MTMR4: variants seen among roughly 807,000 people sequenced by gnomAD.
The protein encoded by MTMR4 is myotubularin related protein 4.
Under a neutral mutation model 125.5 loss-of-function variants are expected in MTMR4, and 30 were observed. The ratio of observed to expected loss-of-function variants is 0.24; its 90% CI spans 0.18 to 0.32. The LOEUF (loss-of-function observed/expected upper bound fraction) is 0.32. Among genes scored for constraint, MTMR4 ranks in the 10% least tolerant of loss-of-function variants. The probability of loss-of-function intolerance (pLI) is 1.00; values close to 1 mark genes in which losing one functional copy is unlikely to be tolerated. For missense variants in MTMR4, 1,039 were observed against 1,511.5 expected, an observed-to-expected ratio of 0.69 and a Z score of 5.18; for synonymous variants, 498 against 564.5, an observed-to-expected ratio of 0.88 and a Z score of 1.67.
intron 4 of MTMR4, among the ~76,000 whole-genome samples, chr17:58,509,330 C>G (rs1975864217): frequency 6.6e-6 from 1 of 151,420 alleles, no homozygotes; most frequent in African/African-American, 2.4e-5. Flanking sequence ...AGTCTCACCT[C>G]TTCCTTGAAG....
intron 14 of MTMR4, among the ~76,000 whole-genome samples, chr17:58,498,985 T>C (rs1260263453): frequency 6.6e-6 from 1 of 152,136 alleles, no homozygotes; most frequent in Non-Finnish European, 1.5e-5. Flanking sequence ...CCCTCATATC[T>C]GAACTACTAC....
rs1975718329 is a variant in MTMR4 at position 58,504,218 on chromosome 17, T to C, written c.1530A>G (p.Val510=). Residue 510 remains valine (V), a splice_region_variant and synonymous_variant, in exon 13 of 18, where the codon GTA becomes GTG. Coordinates refer to ENST00000682306, the MANE Select transcript of MTMR4 (RefSeq NM_001378067.1). The surrounding 1 kb of genome is among the most constrained non-coding windows in gnomAD (Gnocchi z 7.1). ...CLFEFNEAFL[V]KLVQHTYSCL... Reference sequence around the variant, plus strand: ...AGGAGTATGTGTGTTGCACCAGTTTTACCTAGAAAGCAGAGAGAGCTTGCA... The same window carrying C: ...AGGAGTATGTGTGTTGCACCAGTTTCACCTAGAAAGCAGAGAGAGCTTGCA... 2 of 1,604,970 alleles carry C rather than the reference T, an allele frequency of 1.2e-6. No individual in the cohort carries two copies. The highest frequency in any genetic ancestry group is 1.7e-6 in the Non-Finnish European group (2 of 1,174,272).
At chr17:58,505,721 AAC>A in intron 9 of MTMR4, 138 bp from the exon 10 acceptor site, 1 of 485,082 alleles carries the variant, frequency 2.1e-6, no homozygotes, top group Non-Finnish European at 3.9e-6. Context: ...CAGCCTGACT[AAC>A]ACAGTGAAAC....
At chr17:58,499,702 A>G (rs1975568941) in intron 14 of MTMR4, among the ~76,000 whole-genome samples, 1 of 151,540 alleles carries the variant, frequency 6.6e-6, no homozygotes, top group Non-Finnish European at 1.5e-5. Flanking sequence ...GCTCACTGCA[A>G]ACTCCGCCTT....
At chr17:58,506,983 C>T (rs1975793515) in intron 8 of MTMR4, 112 bp from the exon 9 acceptor site, 3 of 1,548,726 alleles carry the variant, frequency 1.9e-6, no homozygotes, top group Non-Finnish European at 2.6e-6. Flanking sequence ...CCCCTCATAC[C>T]CCACAGCTTC....
At chr17:58,501,985 G>A (rs879606024) in intron 14 of MTMR4, among the ~76,000 whole-genome samples, 2 of 151,728 alleles carry the variant, frequency 1.3e-5, no homozygotes, top group African/African-American at 4.8e-5. Context: ...CCTGAACCCG[G>A]GAGGCAGAGG....
rs747502771 is a variant in MTMR4, at chr17:58,495,343, A to G, written c.2841T>C (p.Cys947=). ...TPRRLLSYGC[C]SKRPNSKQMR... ...TCTGCTTACTGTTTGGCCTCTTGCT[A>G]CAACAGCCATAGGAAAGCAGCCGCC... The change falls in exon 15 of 18, where the codon TGT becomes TGC. Residue 947 remains cysteine (C), a synonymous_variant. Transcript: ENST00000682306. The G allele has an allele frequency of 6.2e-7, 1 of 1,614,214 alleles. No homozygotes were observed. Among genetic ancestry groups the G allele is most frequent in the Non-Finnish European group, 8.5e-7 (1 of 1,180,038 alleles).
Position 58,507,197 on chromosome 17 carries a change from G to C in MTMR4, c.830C>G (p.Pro277Arg). The C allele has an allele frequency of 6.2e-7, 1 of 1,614,126 alleles. No individual in the cohort carries two copies. The highest frequency in any genetic ancestry group is 1.1e-5 in the South Asian group (1 of 91,084). ...TSIAKACALD[P>R]GTRATGGSLS... ...GGAGCCCCCAGTGGCCCTTGTCCCC[G>C]GGTCCAGGGCACAGGCTTTAGCAAT... The change falls in exon 8 of 18, where the codon CCG (proline) becomes CGG (arginine). Residue 277 changes from proline (P) to arginine (R), a missense_variant. Transcript: ENST00000682306.
chr17:58,492,623 T>C lies in MTMR4; in HGVS notation c.3364-24A>G, dbSNP rs557054531. 775 of 1,608,362 alleles carry C rather than the reference T, an allele frequency of 4.8e-4. 13 individuals are homozygous for C. The South Asian group carries it at 7.5e-3, about 16-fold the overall frequency. ...ACCTAATAGAAGGCACAAAGAAAAA[T>C]TCCTGGTCCTTGTTGACAGACTGGA... On this transcript the variant is annotated intron_variant, in intron 16 of 17. Coordinates refer to ENST00000682306, the MANE Select transcript of MTMR4 (RefSeq NM_001378067.1).
chr17:58,494,575 C>T (rs1975402218), intron 15 of MTMR4, among the ~76,000 whole-genome samples: 1 of 152,116 alleles, frequency 6.6e-6, no homozygotes, highest in South Asian at 2.1e-4. Context: ...TCGCATGTCC[C>T]ATCTTTTTAA....
chr17:58,512,321 T>G lies in MTMR4; in HGVS notation c.252+69A>C. 4.4e-6 allele frequency: 6 copies of G among 1,348,326 alleles called. No individual in the cohort carries two copies. Among genetic ancestry groups the G allele is most frequent in the Non-Finnish European group, 6.4e-6 (6 of 940,228 alleles). 83.5% of individuals were successfully genotyped at this position (1,348,326 alleles called of 1,614,324 possible). Reference sequence around the variant, plus strand: ...TTAATGACATGATCAAGGACAGCCTTGGAACAATCCCACCTTGAACTTCAT... The same window carrying G: ...TTAATGACATGATCAAGGACAGCCTGGGAACAATCCCACCTTGAACTTCAT... On this transcript the variant is annotated intron_variant, in intron 3 of 17. Coordinates refer to ENST00000682306, the MANE Select transcript of MTMR4 (RefSeq NM_001378067.1). The surrounding 1 kb of genome is among the most constrained non-coding windows in gnomAD (Gnocchi z 4.1).
At chr17:58,513,231 G>A (rs936095855) in intron 1 of MTMR4, among the ~76,000 whole-genome samples, 2 of 152,102 alleles carry the variant, frequency 1.3e-5, no homozygotes, top group South Asian at 4.1e-4. Context: ...AAAAATGGAG[G>A]AGAGAAAACT....
chr17:58,518,630 G>A (rs1260300945), upstream of MTMR4, among the ~76,000 whole-genome samples: 3 of 152,192 alleles, frequency 2.0e-5, no homozygotes, highest in Non-Finnish European at 2.9e-5. Flanking sequence ...ACCTGGATCT[G>A]AGACTGCCAG....
chr17:58,504,646 G>A lies in MTMR4; in HGVS notation c.1341+133C>T. On this transcript the variant is annotated intron_variant, in intron 11 of 17. Transcript: ENST00000682306. This position sits in a 1 kb window ranked among gnomAD's most constrained non-coding sequence, Gnocchi z 7.1. ...AGCCACCAATTTTCCAAGCCTTTGG[G>A]AGTTGGAAAAAAAAAGAAAAAAAGA... 7.4e-7 allele frequency: 1 copy of A among 1,354,362 alleles called. No individual in the cohort carries two copies. 83.9% of individuals were successfully genotyped at this position (1,354,362 alleles called of 1,614,324 possible). A position where few individuals can be genotyped will look rare whatever the true frequency, so the allele number is the denominator to read the frequency against.
In MTMR4 at chr17:58,511,305, C is replaced by T. The variant is rs1433548873; in HGVS notation, c.335+124G>A. 6.5e-6 allele frequency: 6 copies of T among 922,272 alleles called. No individual in the cohort carries two copies. The East Asian group carries it at 1.5e-4, about 24-fold the overall frequency. 57.1% of individuals were successfully genotyped at this position (922,272 alleles called of 1,614,324 possible). On this transcript the variant is annotated intron_variant, in intron 4 of 17. Transcript: ENST00000682306. ...TCCCAACCCAGAACATGGTCTTCAC[C>T]TTTTCTTCCAACTGGGGAAAGTGAG... is the stretch of plus-strand genomic sequence containing the variant.
In MTMR4 at chr17:58,495,991, G is replaced by A. The variant is rs757261448; in HGVS notation, c.2193C>T (p.Thr731=). ...TAVPREMKSN[T]SDPEIKVLEE... ...CTAGGACTTTGATCTCAGGATCAGA[G>A]GTGTTGCTCTTCATTTCCCGAGGCA... The change falls in exon 15 of 18, where the codon ACC becomes ACT. Residue 731 remains threonine, a synonymous_variant. Coordinates refer to ENST00000682306, the MANE Select transcript of MTMR4 (RefSeq NM_001378067.1). The A allele has an allele frequency of 1.9e-6, 3 of 1,614,104 alleles. No individual in the cohort carries two copies. In the Admixed American group the frequency reaches 5.0e-5, roughly 27 times the overall value.
Position 58,505,559 on chromosome 17 carries a change from A to G in MTMR4, c.1058T>C (p.Val353Ala). The G allele has an allele frequency of 6.2e-7, 1 of 1,611,908 alleles. No homozygotes were observed. ...ATGGATGTTGGCCATTCCCATGAAC[A>G]CGACCTCACAGTTGGGATAGTACTC... ...CEEYYPNCEV[V>A]FMGMANIHAI... Residue 353 changes from valine to alanine, a missense_variant, in exon 10 of 18, where the codon GTG becomes GCG. Val to Ala is a moderately conservative substitution (Grantham distance 64). Transcript: ENST00000682306.
At chr17:58,511,404 C>T in intron 4 of MTMR4, 25 bp downstream of exon 4, 1 of 1,594,790 alleles carries the variant, frequency 6.3e-7, no homozygotes, top group Non-Finnish European at 8.6e-7. Flanking sequence ...GCCAGGGGAC[C>T]TGAGTGAGGC....
At chr17:58,501,494 A>G (rs1326931611) in intron 14 of MTMR4, among the ~76,000 whole-genome samples, 1 of 152,056 alleles carries the variant, frequency 6.6e-6, no homozygotes, top group Non-Finnish European at 1.5e-5. Context: ...CTAAAAAACA[A>G]AAAAGCTCTC....
Sources: allele counts gnomAD v4.1 joint callset (sites outside exome capture counted in the v4.1 genomes callset), GRCh38; gene constraint gnomAD v4.1.1; non-coding constraint Gnocchi (gnomAD v3.1); transcripts MANE v1.5; gene names NCBI Gene and HGNC (gene_info 2026-07-23, HGNC 2026-07-21).